The following SLC18A2 variants were observed in gnomAD, a reference collection of about 807,000 sequenced individuals.
SLC18A2 encodes synaptic vesicular amine transporter.
In SLC18A2, 33 loss-of-function variants were observed where a neutral mutation model predicts 59.2. The ratio of observed to expected loss-of-function variants is 0.56; its 90% CI spans 0.42 to 0.75. The LOEUF (loss-of-function observed/expected upper bound fraction) is 0.75, where lower values mean the gene tolerates loss of function less well. Among genes scored for constraint, SLC18A2 ranks in the 30% least tolerant of loss-of-function variants. The pLI, the probability that SLC18A2 is intolerant of heterozygous loss-of-function variation, is 0.00. For missense variants in SLC18A2, 569 were observed against 668.6 expected (o/e 0.85, Z 1.64); for synonymous variants, 228 against 253.5 (o/e 0.90, Z 0.95).
In SLC18A2 at chr10:117,267,042, A is replaced by G; in HGVS notation, c.1122+7A>G. 6.2e-7 allele frequency: 1 copy of G among 1,609,900 alleles called. No individual in the cohort carries two copies. The highest frequency in any genetic ancestry group is 1.1e-5 in the South Asian group (1 of 90,128). On this transcript the variant is annotated splice_region_variant and intron_variant, in intron 12 of 15. Coordinates refer to ENST00000644641, the MANE Select transcript of SLC18A2 (RefSeq NM_003054.6). Reference sequence around the variant, plus strand: ...TGGAGTCAGCATTTTATGTGTGAGTAAAAGATGGCATTTGACAAGTGGGAA... The same window carrying G: ...TGGAGTCAGCATTTTATGTGTGAGTGAAAGATGGCATTTGACAAGTGGGAA...
rs186890713 is a variant in SLC18A2, at chr10:117,252,800, G to A, written c.465-599G>A. On this transcript the variant is annotated intron_variant, in intron 3 of 15. Transcript: ENST00000644641. ...TGTGTCCAGCCAGACATGGCATAGGGGAATGCCAGGGTCTTTCCACCAGCC... is the reference window on the plus strand; with the variant it reads ...TGTGTCCAGCCAGACATGGCATAGGAGAATGCCAGGGTCTTTCCACCAGCC... Among the ~76,000 whole-genome samples, 24 of 152,278 alleles carry A rather than the reference G, an allele frequency of 1.6e-4. 2 individuals are homozygous for A. The East Asian group carries it at 3.5e-3, about 22-fold the overall frequency.
chr10:117,251,278 A>AATAAATTGCC (rs1368880980), intron 3 of SLC18A2, among the ~76,000 whole-genome samples: 1 of 152,200 alleles, frequency 6.6e-6, no homozygotes, highest in Non-Finnish European at 1.5e-5. Context: ...AGTTGCTGAA[A>AATAAATTGCC]ATAAATTGCC....
intron 10 of SLC18A2, among the ~76,000 whole-genome samples, chr10:117,263,202 A>G (rs1844314035): frequency 6.6e-6 from 1 of 152,040 alleles, no homozygotes; most frequent in Non-Finnish European, 1.5e-5. Context: ...CACCTTCCCT[A>G]GTTCTCTGTA....
intron 10 of SLC18A2, among the ~76,000 whole-genome samples, chr10:117,263,106 C>T (rs1470973013): frequency 2.0e-5 from 3 of 152,188 alleles, no homozygotes; most frequent in African/African-American, 7.2e-5. Context: ...CTTTCATTTG[C>T]CCCAGAGATA....
intron 9 of SLC18A2, among the ~76,000 whole-genome samples, chr10:117,256,908 C>G (rs551380763): frequency 6.6e-6 from 1 of 152,280 alleles, no homozygotes; most frequent in Admixed American, 6.5e-5. Flanking sequence ...TGCCTAGTAC[C>G]TGCTCACAGG....
intron 10 of SLC18A2, among the ~76,000 whole-genome samples, chr10:117,260,966 G>A (rs549063500): frequency 5.6e-4 from 85 of 152,310 alleles, no homozygotes; most frequent in African/African-American, 1.8e-3. Context: ...ACTATGGGTC[G>A]TGACTGGCAA....
Position 117,241,740 on chromosome 10 carries a change from G to C in SLC18A2, c.47G>C (p.Arg16Pro), listed in dbSNP as rs925216254. The stretch of plus-strand genomic sequence containing the variant: ...CTGGTCCGCTGGCTGCAGGAGAGCC[G>C]CCGCTCGCGGAAGCTCATCCTGTTC... The part of the protein sequence containing the change: ...LALVRWLQES[R>P]RSRKLILFIV... Residue 16 changes from arginine (R) to proline (P), a missense_variant, in exon 2 of 16, where the codon CGC becomes CCC. Around this residue, in one of 2 missense-constraint regions of SLC18A2, gnomAD observed 377 missense variants for 389.8 expected, o/e 0.97. Coordinates refer to ENST00000644641, the MANE Select transcript of SLC18A2 (RefSeq NM_003054.6). 6.2e-7 allele frequency: 1 copy of C among 1,609,302 alleles called. No individual in the cohort carries two copies. The highest frequency in any genetic ancestry group is 1.3e-5 in the African/African-American group (1 of 74,646).
Position 117,244,539 on chromosome 10 carries a change from G to T in SLC18A2, c.464+226G>T, listed in dbSNP as rs556293523. ...CAACAAGTAAGAAAATATTAAAGAAGACAGAATAAAGAGGACCTCTTCCAC... is the reference window on the plus strand; with the variant it reads ...CAACAAGTAAGAAAATATTAAAGAATACAGAATAAAGAGGACCTCTTCCAC... On this transcript the variant is annotated intron_variant, in intron 3 of 15. Transcript: ENST00000644641. Among the ~76,000 whole-genome samples the T allele has an allele frequency of 3.1e-3, 468 of 152,314 alleles. 2 individuals are homozygous for T. The highest frequency in any genetic ancestry group is 0.01 in the African/African-American group (432 of 41,572).
Position 117,255,671 on chromosome 10 carries a change from G to T in SLC18A2, c.895+14G>T. The T allele has an allele frequency of 6.2e-7, 1 of 1,611,656 alleles. No homozygotes were observed. The highest frequency in any genetic ancestry group is 1.1e-5 in the South Asian group (1 of 91,046). On this transcript the variant is annotated intron_variant, in intron 9 of 15. Coordinates refer to ENST00000644641, the MANE Select transcript of SLC18A2 (RefSeq NM_003054.6). ...TCATTGCTGCAGGTGGGGCTCTGTGGGTCTTCTGAGTCAGGGGAATGCGAG... is the reference window on the plus strand; with the variant it reads ...TCATTGCTGCAGGTGGGGCTCTGTGTGTCTTCTGAGTCAGGGGAATGCGAG...
In SLC18A2 at chr10:117,278,810, A is replaced by G. The variant is rs1844537627; in HGVS notation, c.*1544A>G. Reference sequence around the variant, plus strand: ...TCTAAGTGCAGTGTGTTTGAAGCAAACGAACTTCCAACTCACTTATTTGGC... The same window carrying G: ...TCTAAGTGCAGTGTGTTTGAAGCAAGCGAACTTCCAACTCACTTATTTGGC... On this transcript the variant is annotated 3_prime_UTR_variant, in exon 16 of 16. Transcript: ENST00000644641. 1 of 152,178 alleles carries G rather than the reference A, an allele frequency of 6.6e-6. No homozygotes were observed. The highest frequency in any genetic ancestry group is 1.5e-5 in the Non-Finnish European group (1 of 68,026). The allele number at this position is 152,178 out of a possible 1,614,324, so 9.4% of individuals were successfully genotyped here.
At chr10:117,252,934 G>C (rs1345225921) in intron 3 of SLC18A2, among the ~76,000 whole-genome samples, 1 of 152,186 alleles carries the variant, frequency 6.6e-6, no homozygotes, top group African/African-American at 2.4e-5. Context: ...TTGGCCTCAT[G>C]GGGTCAACAG....
chr10:117,256,047 G>A (rs1029590597), intron 9 of SLC18A2, among the ~76,000 whole-genome samples: 1 of 152,130 alleles, frequency 6.6e-6, no homozygotes, highest in East Asian at 1.9e-4. Flanking sequence ...GGTCCCCGGT[G>A]GGCAGTCTGA....
At chr10:117,275,926 T>G (rs551525590) in intron 15 of SLC18A2, among the ~76,000 whole-genome samples, 3 of 151,996 alleles carry the variant, frequency 2.0e-5, no homozygotes, top group Non-Finnish European at 2.9e-5. Flanking sequence ...GGAAATCACA[T>G]GTGTGAAAAA....
chr10:117,254,002 G>A (rs760193890), intron 4 of SLC18A2, 46 bp from the exon 5 acceptor site: 2 of 1,576,304 alleles, frequency 1.3e-6, no homozygotes, highest in East Asian at 2.2e-5. Context: ...GGACGGTTGT[G>A]TCCCAGCAGC....
chr10:117,258,767 T>G (rs950699337), intron 10 of SLC18A2, among the ~76,000 whole-genome samples: 1 of 2,798 alleles, frequency 3.6e-4, no homozygotes, highest in African/African-American at 8.8e-4. Flanking sequence ...CCCCCGACTC[T>G]TTTTTTTTTT....
At chr10:117,264,926 T>C (rs1476459552) in intron 10 of SLC18A2, among the ~76,000 whole-genome samples, 1 of 152,184 alleles carries the variant, frequency 6.6e-6, no homozygotes, top group South Asian at 2.1e-4. Context: ...TGTGTTTTTG[T>C]TATGTTCCTT....
Position 117,269,258 on chromosome 10 carries a change from G to A in SLC18A2, c.1187-813G>A, listed in dbSNP as rs1238495502. Among the ~76,000 whole-genome samples, 1 of 150,982 alleles carries A rather than the reference G, an allele frequency of 6.6e-6. No individual in the cohort carries two copies. ...GTACATACACAAACACATATACACAGACACATACACATGCAAACACATGTA... is the reference window on the plus strand; with the variant it reads ...GTACATACACAAACACATATACACAAACACATACACATGCAAACACATGTA... On this transcript the variant is annotated intron_variant, in intron 13 of 15. Transcript: ENST00000644641. This position sits in a 1 kb window ranked among gnomAD's most constrained non-coding sequence, Gnocchi z 5.1.
In SLC18A2 at chr10:117,257,830, T is replaced by A. The variant is rs1192697805; in HGVS notation, c.929T>A (p.Met310Lys). The A allele has an allele frequency of 6.2e-7, 1 of 1,611,980 alleles. No individual in the cohort carries two copies. The highest frequency in any genetic ancestry group is 1.1e-5 in the South Asian group (1 of 90,900). ...TGCTTTGCAAACATGGGCATCGCCA[T>A]GCTGGAGCCAGCCCTGCCCATCTGG... ...SICFANMGIA[M>K]LEPALPIWMM... Residue 310 changes from methionine (M) to lysine (K), a missense_variant, in exon 10 of 16, where the codon ATG becomes AAG. By Grantham distance (95) the Met-to-Lys change is moderately conservative. This residue lies in a region of SLC18A2 where 192 missense variants were observed against 278.8 expected (regional missense o/e 0.69). Transcript: ENST00000644641.
At chr10:117,249,319 A>C (rs1027001197) in intron 3 of SLC18A2, among the ~76,000 whole-genome samples, 43 of 152,386 alleles carry the variant, frequency 2.8e-4, no homozygotes, top group African/African-American at 9.1e-4. Context: ...AACAGGGCTC[A>C]CGCCCAGGAA....
Sources: allele counts gnomAD v4.1 joint callset (sites outside exome capture counted in the v4.1 genomes callset), GRCh38; gene constraint gnomAD v4.1.1; regional missense constraint gnomAD v4.1.1; non-coding constraint Gnocchi (gnomAD v3.1); transcripts MANE v1.5; gene names NCBI Gene and HGNC (gene_info 2026-07-23, HGNC 2026-07-21).